ZNFX1: variants seen among roughly 807,000 people sequenced by gnomAD.
The protein encoded by ZNFX1 is zinc finger NFX1-type containing 1.
A neutral mutation model predicts 179.8 loss-of-function variants in ZNFX1; 78 were observed. The ratio of observed to expected loss-of-function variants is 0.43; its 90% CI spans 0.36 to 0.52. The LOEUF is 0.52. Ranked by LOEUF, ZNFX1 falls within the 20% of genes least tolerant of loss-of-function variation. The pLI, the probability that ZNFX1 is intolerant of heterozygous loss-of-function variation, is 0.00. For synonymous variants in ZNFX1, 848 were observed against 868.5 expected (o/e 0.98, Z 0.42); for missense variants, 1,927 against 2,386.6 (o/e 0.81, Z 4.01).
chr20:49,271,675 C>T lies in ZNFX1; in HGVS notation c.137G>A (p.Gly46Glu). ...NNPPANALRG[G>E]ASHPGRHPRA... is the part of the protein sequence containing the mutation. ...AGGATGCCTTCCAGGGTGGCTGGCT[C>T]CTCCTCGGAGAGCATTGGCTGGTGG... Residue 46 changes from glycine to glutamate, a missense_variant, in exon 3 of 14, where the codon GGA becomes GAA. Transcript: ENST00000396105. 2.5e-6 allele frequency: 4 copies of T among 1,613,862 alleles called. No homozygotes were observed. The highest frequency in any genetic ancestry group is 1.3e-5 in the African/African-American group (1 of 74,970).
intron 2 of ZNFX1, among the ~76,000 whole-genome samples, 190 bp downstream of exon 2, chr20:49,275,589 G>T (rs531231509): frequency 6.6e-6 from 1 of 152,076 alleles, no homozygotes; most frequent in Non-Finnish European, 1.5e-5. Flanking sequence ...TCCCCTGGGC[G>T]TAAACAATCC....
At chr20:49,251,332 G>A (rs1213021274) in intron 13 of ZNFX1, among the ~76,000 whole-genome samples, 195 bp downstream of exon 13, 1 of 152,016 alleles carries the variant, frequency 6.6e-6, no homozygotes, top group East Asian at 1.9e-4. Context: ...AGTAGAGACA[G>A]GGTTTCACCA....
Position 49,275,950 on chromosome 20 carries a change from C to T in ZNFX1, c.-48-63G>A. Reference sequence around the variant, plus strand: ...CATCTAGCAGCAAAAACCCAAACACCATCAAGCCAGTCCTTCTGCCTTTGT... The same window carrying T: ...CATCTAGCAGCAAAAACCCAAACACTATCAAGCCAGTCCTTCTGCCTTTGT... On this transcript the variant is annotated intron_variant, in intron 1 of 13. Transcript: ENST00000396105. The T allele has an allele frequency of 4.8e-6, 5 of 1,031,986 alleles. No homozygotes were observed. In the South Asian group the frequency reaches 6.7e-5, roughly 14 times the overall value. The allele number at this position is 1,031,986 out of a possible 1,614,324, so 63.9% of individuals were successfully genotyped here.
In ZNFX1 at chr20:49,264,715, C is replaced by T; in HGVS notation, c.2151+1G>A. On this transcript the variant is annotated splice_donor_variant, in intron 5 of 13. Coordinates refer to ENST00000396105, the MANE Select transcript of ZNFX1 (RefSeq NM_021035.3). LOFTEE classifies it high-confidence loss of function. ...CCAGATATTTCAGAGCTGGGACTTA[C>T]ACTCATGTAGGCCCTTCGGAGGTGC... The T allele has an allele frequency of 6.2e-7, 1 of 1,613,726 alleles. No homozygotes were observed. The highest frequency in any genetic ancestry group is 8.5e-7 in the Non-Finnish European group (1 of 1,179,982).
chr20:49,256,407 C>T (rs1197272698), intron 8 of ZNFX1, among the ~76,000 whole-genome samples: 1 of 152,158 alleles, frequency 6.6e-6, no homozygotes, highest in Non-Finnish European at 1.5e-5. Context: ...TTGTTGAATG[C>T]TGTACAACCA....
In ZNFX1 at chr20:49,247,253, G is replaced by A. The variant is rs1980700241; in HGVS notation, c.*14C>T. On this transcript the variant is annotated 3_prime_UTR_variant, in exon 14 of 14. Transcript: ENST00000396105. ...TTCAGTGGCGAGGGCAAAAGGCAGTGGTGTACCATCTTCCTACATCATCCC... is the reference window on the plus strand; with the variant it reads ...TTCAGTGGCGAGGGCAAAAGGCAGTAGTGTACCATCTTCCTACATCATCCC... 1.3e-6 allele frequency: 2 copies of A among 1,589,234 alleles called. No individual in the cohort carries two copies. The highest frequency in any genetic ancestry group is 8.6e-7 in the Non-Finnish European group (1 of 1,165,310).
intron 2 of ZNFX1, among the ~76,000 whole-genome samples, chr20:49,272,892 G>A (rs1053607549): frequency 6.6e-6 from 1 of 152,126 alleles, no homozygotes; most frequent in African/African-American, 2.4e-5. Context: ...CATACCCAAA[G>A]TCCAGTTTTT....
At chr20:49,260,426 G>A (rs762870089) in intron 7 of ZNFX1, 37 bp downstream of exon 7, 11 of 1,430,230 alleles carry the variant, frequency 7.7e-6, no homozygotes, top group African/African-American at 5.6e-5. Context: ...TATATTCTAC[G>A]TTAAGATTTG....
At chr20:49,263,890 C>T (rs1033122478) in intron 5 of ZNFX1, among the ~76,000 whole-genome samples, 1 of 152,154 alleles carries the variant, frequency 6.6e-6, no homozygotes, top group Non-Finnish European at 1.5e-5. Flanking sequence ...TGCGTTTATA[C>T]TTACTGGTTG....
rs1282746135 is a variant in ZNFX1 at position 49,271,765 on chromosome 20, A to G, written c.62-15T>C. ...ATCCACAGGGCCTAAACACAATGAA[A>G]TATTGAGTAACCACAAGAACCAAGT... On this transcript the variant is annotated splice_polypyrimidine_tract_variant and intron_variant, in intron 2 of 13. Transcript: ENST00000396105. The G allele has an allele frequency of 1.5e-5, 23 of 1,576,978 alleles. No individual in the cohort carries two copies. The highest frequency in any genetic ancestry group is 2.0e-5 in the Non-Finnish European group (23 of 1,159,318).
At position 49,270,064 on chromosome 20, in the gene ZNFX1, T is replaced by C. The variant is rs148630048; in HGVS notation, c.1748A>G (p.Asn583Ser). 2.1e-4 allele frequency: 339 copies of C among 1,614,124 alleles called. No homozygotes were observed. Among genetic ancestry groups the C allele is most frequent in the Non-Finnish European group, 2.8e-4 (327 of 1,180,042 alleles). Residue 583 changes from asparagine (N) to serine (S), a missense_variant, in exon 3 of 14, where the codon AAT becomes AGT. Asn to Ser is a conservative substitution (Grantham distance 46, BLOSUM62 1). Coordinates refer to ENST00000396105, the MANE Select transcript of ZNFX1 (RefSeq NM_021035.3). The surrounding 1 kb of genome is among the most constrained non-coding windows in gnomAD (Gnocchi z 4.6). ...NVEGLRHPRI[N>S]VLDPGQWPSK... ...GGGCCACTGGCCAGGATCTAAGACA[T>C]TAATTCTGGGATGTCTCAAACCCTC...
intron 2 of ZNFX1, among the ~76,000 whole-genome samples, chr20:49,274,125 G>A (rs1981492985): frequency 6.6e-6 from 1 of 152,198 alleles, no homozygotes; most frequent in Non-Finnish European, 1.5e-5. Context: ...AACTAATTTA[G>A]CTTTGGTGAC....
chr20:49,272,447 G>A (rs1981439006), intron 2 of ZNFX1, among the ~76,000 whole-genome samples: 1 of 152,158 alleles, frequency 6.6e-6, no homozygotes, highest in Non-Finnish European at 1.5e-5. Context: ...AGTGCTGGAA[G>A]TGCTGGGATT....
rs933694178 is a variant in ZNFX1, at chr20:49,247,020, C to T, written c.*247G>A. The T allele has an allele frequency of 4.2e-6, 2 of 476,242 alleles. No individual in the cohort carries two copies. The highest frequency in any genetic ancestry group is 2.0e-5 in the African/African-American group (1 of 50,622). The allele number at this position is 476,242 out of a possible 1,614,324, so 29.5% of individuals were successfully genotyped here. A position where few individuals can be genotyped will look rare whatever the true frequency, so the allele number is the denominator to read the frequency against. ...AGTAGCTGGGATTACAGGCGCCCGC[C>T]ATAACGCCCAGCTAATTTTTGTATT... On this transcript the variant is annotated 3_prime_UTR_variant, in exon 14 of 14. Coordinates refer to ENST00000396105, the MANE Select transcript of ZNFX1 (RefSeq NM_021035.3).
intron 8 of ZNFX1, 93 bp downstream of exon 8, chr20:49,257,324 T>C: frequency 6.5e-7 from 1 of 1,532,678 alleles, no homozygotes; most frequent in East Asian, 2.3e-5. Context: ...TAGCTAATTG[T>C]AATGGTGAAG....
chr20:49,275,689 T>A, intron 2 of ZNFX1, 90 bp downstream of exon 2: 1 of 1,238,290 alleles, frequency 8.1e-7, no homozygotes, highest in Non-Finnish European at 1.2e-6. Flanking sequence ...ATGCAGACAA[T>A]CTTAGGTAGG....
intron 8 of ZNFX1, 75 bp from the exon 9 acceptor site, chr20:49,256,022 C>T (rs774218473): frequency 5.2e-6 from 8 of 1,545,834 alleles, no homozygotes; most frequent in Non-Finnish European, 7.0e-6. Flanking sequence ...GCAGGGGTCA[C>T]AGCACGTAAG....
chr20:49,252,763 C>T lies in ZNFX1; in HGVS notation c.3173G>A (p.Arg1058Gln), dbSNP rs781341898. Residue 1058 changes from arginine (R) to glutamine (Q), a missense_variant, in exon 12 of 14, where the codon CGG becomes CAG. Transcript: ENST00000396105. ...NFNLEVSLFE[R>Q]LVKVNIPFVR... Reference sequence around the variant, plus strand: ...AAAGGGAATGTTTACTTTCACTAGCCGTTCAAAAAGGGACACCTCAAGGTT... The same window carrying T: ...AAAGGGAATGTTTACTTTCACTAGCTGTTCAAAAAGGGACACCTCAAGGTT... 3.7e-6 allele frequency: 6 copies of T among 1,613,936 alleles called. No individual in the cohort carries two copies. The highest frequency in any genetic ancestry group is 2.2e-5 in the East Asian group (1 of 44,896).
In ZNFX1 at chr20:49,270,457, G is replaced by A; in HGVS notation, c.1355C>T (p.Ser452Phe). ...GTTGTCCTTGGACATGCATACCAAA[G>A]ACCCATAGAGCAATCGTTTGGAATT... ...WQNSKRLLYG[S>F]LVCMSKDNFE... The change falls in exon 3 of 14, where the codon TCT (serine) becomes TTT (phenylalanine). Residue 452 changes from serine (S) to phenylalanine (F), a missense_variant. By Grantham distance (155) the Ser-to-Phe change is radical (BLOSUM62 -2). Transcript: ENST00000396105. The surrounding 1 kb of genome is among the most constrained non-coding windows in gnomAD (Gnocchi z 4.6). 3 of 1,614,206 alleles carry A rather than the reference G, an allele frequency of 1.9e-6. No individual in the cohort carries two copies. Among genetic ancestry groups the A allele is most frequent in the Non-Finnish European group, 2.5e-6 (3 of 1,180,038 alleles).
Sources: gnomAD v4.1 joint callset for allele counts (sites outside exome capture counted in the v4.1 genomes callset) on GRCh38, gnomAD v4.1.1 for gene constraint, Gnocchi (gnomAD v3.1) non-coding constraint, MANE v1.5 for transcripts, NCBI Gene and HGNC (gene_info 2026-07-23, HGNC 2026-07-21) for gene names.